Variants in COL6A2 observed in about 807,000 individuals in gnomAD.
COL6A2 encodes the protein collagen type VI alpha 2 chain.
COL6A2 carries 90 observed loss-of-function variants against 124.9 expected under a neutral mutation model. The ratio of observed to expected loss-of-function variants is 0.72; its 90% CI spans 0.61 to 0.86. The LOEUF (loss-of-function observed/expected upper bound fraction) is 0.86, where lower values mean the gene tolerates loss of function less well. COL6A2 is among the 40% of genes least tolerant of loss of function. The pLI, the probability that COL6A2 is intolerant of heterozygous loss-of-function variation, is 0.00. For synonymous variants in COL6A2, 793 were observed against 618.2 expected (o/e 1.28, Z -4.19); for missense variants, 1,607 against 1,502.5 (o/e 1.07, Z -1.15).
chr21:46,120,455 A>G (rs983518977), intron 15 of COL6A2, 60 bp from the exon 16 acceptor site: 14 of 1,399,682 alleles, frequency 1.0e-5, no homozygotes, highest in African/African-American at 1.4e-5. Context: ...CGCCTCTCAC[A>G]TGGGACCCAG....
At chr21:46,124,835 A>G in intron 22 of COL6A2, 50 bp from the exon 23 acceptor site, 1 of 1,610,044 alleles carries the variant, frequency 6.2e-7, no homozygotes, top group South Asian at 1.1e-5. Flanking sequence ...GGAGAGACTC[A>G]GCCACCCAGC....
chr21:46,118,681 GC>G lies in COL6A2; in HGVS notation c.1179+9del. The G allele has an allele frequency of 1.2e-6, 2 of 1,608,734 alleles. No homozygotes were observed. Among genetic ancestry groups the G allele is most frequent in the Non-Finnish European group, 1.7e-6 (2 of 1,178,516 alleles). ...ATCGGGGCCAAGGGAAGCAAGGTGAGCCCCTCTGCCTCTTCGCCTGCAGCTG... is the reference window on the plus strand; with the variant it reads ...ATCGGGGCCAAGGGAAGCAAGGTGAGCCCTCTGCCTCTTCGCCTGCAGCTG... On this transcript the variant is annotated splice_donor_region_variant and intron_variant, in intron 13 of 27. Transcript: ENST00000300527.
intron 21 of COL6A2, among the ~76,000 whole-genome samples, chr21:46,123,779 AGT>A (rs1312064032): frequency 1.6e-5 from 2 of 128,042 alleles, no homozygotes; most frequent in Non-Finnish European, 3.2e-5. Flanking sequence ...TGGATGGGTG[AGT>A]GGGTGTATGT....
rs953778915 is a variant in COL6A2, at chr21:46,111,569, C to G, written c.93C>G (p.Thr31=). 1.3e-5 allele frequency: 21 copies of G among 1,612,656 alleles called. No individual in the cohort carries two copies. The highest frequency in any genetic ancestry group is 1.6e-5 in the Non-Finnish European group (19 of 1,179,838). The change falls in exon 2 of 28, where the codon ACC becomes ACG. Residue 31 remains threonine, a synonymous_variant. Coordinates refer to ENST00000300527, the MANE Select transcript of COL6A2 (RefSeq NM_001849.4). ...QQQEVISPDT[T]ERNNNCPEKT... is the part of the protein sequence containing the mutation. ...AGGAGGTCATCTCGCCGGACACTACCGAGAGAAACAACAACTGCCCAGGTG... is the reference window on the plus strand; with the variant it reads ...AGGAGGTCATCTCGCCGGACACTACGGAGAGAAACAACAACTGCCCAGGTG...
At chr21:46,122,351 A>G (rs750669005) in intron 19 of COL6A2, 145 bp from the exon 20 acceptor site, 49 of 1,287,168 alleles carry the variant, frequency 3.8e-5, no homozygotes, top group Non-Finnish European at 5.1e-5. Context: ...TCAGGAAAAG[A>G]GCACAGCTCA....
intron 18 of COL6A2, 119 bp from the exon 19 acceptor site, chr21:46,121,971 CCTCTGCTCACAGCCAGAA>C: frequency 1.1e-6 from 1 of 907,680 alleles, no homozygotes; most frequent in Non-Finnish European, 1.8e-6. Context: ...CCCTGCCAGG[CCTCTGCTCACAGCCAGAA>C]CTCGACGGCA....
chr21:46,120,440 A>T, intron 15 of COL6A2, 75 bp from the exon 16 acceptor site: 1 of 1,244,816 alleles, frequency 8.0e-7, no homozygotes, highest in Non-Finnish European at 1.1e-6. Flanking sequence ...ACCCCCGGCC[A>T]CACCCGCCTC....
Position 46,122,155 on chromosome 21 carries a change from A to G in COL6A2, c.1569A>G (p.Ala523=), listed in dbSNP as rs775141537. 6.2e-7 allele frequency: 1 copy of G among 1,612,434 alleles called. No individual in the cohort carries two copies. The highest frequency in any genetic ancestry group is 1.3e-5 in the African/African-American group (1 of 74,886). Residue 523 remains alanine, a synonymous_variant, in exon 19 of 28, where the codon GCA becomes GCG. Transcript: ENST00000300527. ...TCAGCTACCCAGGACCCCGAGGAGC[A>G]CCCGTGAGTCACAGCCTGGGATGGC... ...PGFSYPGPRG[A]PGEKGEPGPR...
intron 1 of COL6A2, among the ~76,000 whole-genome samples, chr21:46,099,889 C>CTTTTTTTT (rs869028897): frequency 0.25 from 22,484 of 90,164 alleles, 3,928 homozygotes; most frequent in Non-Finnish European, 0.32. Flanking sequence ...GCAGCACTGT[C>CTTTTTTTT]TTTTTTTTTT....
At chr21:46,098,465 C>G (rs896683047) in intron 1 of COL6A2, among the ~76,000 whole-genome samples, 4 of 149,206 alleles carry the variant, frequency 2.7e-5, no homozygotes, top group East Asian at 2.0e-4. Context: ...GTGGGGGGGT[C>G]CCTGTCTGCG....
chr21:46,114,111 A>G (rs1167079798), intron 5 of COL6A2, 38 bp downstream of exon 5: 1 of 1,552,868 alleles, frequency 6.4e-7, no homozygotes, highest in Non-Finnish European at 8.9e-7. Context: ...CTGCGCTACC[A>G]GGAAGCCCCT....
At chr21:46,124,542 CCCCCCCG>C in intron 21 of COL6A2, 102 bp from the exon 22 acceptor site, 1 of 954,474 alleles carries the variant, frequency 1.0e-6, no homozygotes, top group South Asian at 1.4e-5. Flanking sequence ...TGTTAGCCCC[CCCCCCCG>C]CCAAGGGAGG....
In COL6A2 at chr21:46,122,291, G is replaced by C. The variant is rs1333175946; in HGVS notation, c.1572+133G>C. On this transcript the variant is annotated intron_variant, in intron 19 of 27. Transcript: ENST00000300527. ...TGTGAGGTCCCTCCTGCGGGACAGAGTGGTGAGAAGGCTTCGGGTGACTCA... is the reference window on the plus strand; with the variant it reads ...TGTGAGGTCCCTCCTGCGGGACAGACTGGTGAGAAGGCTTCGGGTGACTCA... 3 of 1,243,718 alleles carry C rather than the reference G, an allele frequency of 2.4e-6. No homozygotes were observed. In the African/African-American group the frequency reaches 4.5e-5, roughly 18 times the overall value. The allele number at this position is 1,243,718 out of a possible 1,614,324, so 77.0% of individuals were successfully genotyped here.
Position 46,132,609 on chromosome 21 carries a change from A to G in COL6A2, c.*57A>G. On this transcript the variant is annotated 3_prime_UTR_variant, in exon 28 of 28. Transcript: ENST00000300527. Reference sequence around the variant, plus strand: ...GTGAGCCCACCCCGTCCATGGTGCTAAGCGGGCCCGGGTCCCACACGGCCA... The same window carrying G: ...GTGAGCCCACCCCGTCCATGGTGCTGAGCGGGCCCGGGTCCCACACGGCCA... The G allele has an allele frequency of 6.7e-7, 1 of 1,503,300 alleles. No homozygotes were observed. The highest frequency in any genetic ancestry group is 1.2e-5 in the South Asian group (1 of 84,598). 93.1% of individuals were successfully genotyped at this position (1,503,300 alleles called of 1,614,324 possible).
Position 46,132,699 on chromosome 21 carries a change from C to T in COL6A2, c.*147C>T, listed in dbSNP as rs560095085. 2.2e-3 allele frequency: 1,850 copies of T among 831,576 alleles called. 4 individuals are homozygous for T. Among genetic ancestry groups the T allele is most frequent in the Non-Finnish European group, 3.0e-3 (1,597 of 527,628 alleles). 51.5% of individuals were successfully genotyped at this position (831,576 alleles called of 1,614,324 possible). A position where few individuals can be genotyped will look rare whatever the true frequency, so the allele number is the denominator to read the frequency against. On this transcript the variant is annotated 3_prime_UTR_variant, in exon 28 of 28. Coordinates refer to ENST00000300527, the MANE Select transcript of COL6A2 (RefSeq NM_001849.4). ...TCTCCAGCTCCTCCCACGGGGTCCC[C>T]GTAGCCCCGGCCCCCGCCCAGCCCC...
At position 46,131,970 on chromosome 21, in the gene COL6A2, G is replaced by T. The variant is rs1256121963; in HGVS notation, c.2478G>T (p.Gln826His). ...LPCQTELSVA[Q>H]CTQRPVDIVF... is the part of the protein sequence containing the mutation. ...TCCCCACAGAGCTGTCCGTGGCACAGTGCACGCAGCGGCCCGTGGACATCG... is the reference window on the plus strand; with the variant it reads ...TCCCCACAGAGCTGTCCGTGGCACATTGCACGCAGCGGCCCGTGGACATCG... The change falls in exon 28 of 28, where the codon CAG (glutamine) becomes CAT (histidine). Residue 826 changes from glutamine (Q) to histidine (H), a missense_variant. Physicochemically the swap from Gln to His is conservative, Grantham distance 24. Around this residue, in one of 3 missense-constraint regions of COL6A2, gnomAD observed 1,223 missense variants for 1,052.2 expected, o/e 1.16. Coordinates refer to ENST00000300527, the MANE Select transcript of COL6A2 (RefSeq NM_001849.4). 1 of 1,606,456 alleles carries T rather than the reference G, an allele frequency of 6.2e-7. No individual in the cohort carries two copies.
rs2078778720 is a variant in COL6A2 at position 46,132,648 on chromosome 21, C to G, written c.*96C>G. 1 of 1,251,784 alleles carries G rather than the reference C, an allele frequency of 8.0e-7. No individual in the cohort carries two copies. The highest frequency in any genetic ancestry group is 1.5e-5 in the African/African-American group (1 of 67,558). The allele number at this position is 1,251,784 out of a possible 1,614,324, so 77.5% of individuals were successfully genotyped here. On this transcript the variant is annotated 3_prime_UTR_variant, in exon 28 of 28. Coordinates refer to ENST00000300527, the MANE Select transcript of COL6A2 (RefSeq NM_001849.4). ...CCCACACGGCCAGCACCGCTGCTCA[C>G]TCGGACGACGCCCTGGGCCTGCACC...
intron 18 of COL6A2, 123 bp from the exon 19 acceptor site, chr21:46,121,985 C>T: frequency 2.9e-6 from 3 of 1,030,350 alleles, no homozygotes; most frequent in Non-Finnish European, 4.4e-6. Context: ...TGCTCACAGC[C>T]AGAACTCGAC....
intron 21 of COL6A2, 37 bp downstream of exon 21, chr21:46,122,974 C>T (rs1225961171): frequency 2.5e-6 from 4 of 1,599,238 alleles, no homozygotes; most frequent in East Asian, 2.2e-5. Flanking sequence ...AGCAGCTGGG[C>T]AGAGGCAGGG....
Sources: gnomAD v4.1 joint callset for allele counts (sites outside exome capture counted in the v4.1 genomes callset) on GRCh38, gnomAD v4.1.1 for gene constraint, gnomAD v4.1.1 regional missense constraint, MANE v1.5 for transcripts, NCBI Gene and HGNC (gene_info 2026-07-23, HGNC 2026-07-21) for gene names.